The following SSRP1 variants were observed in gnomAD, a reference collection of about 807,000 sequenced individuals.
SSRP1 encodes structure specific recognition protein 1.
SSRP1 carries 21 observed loss-of-function variants against 84.4 expected under a neutral mutation model. That is an observed-to-expected ratio of 0.25 (90% CI 0.18 to 0.36). The LOEUF (loss-of-function observed/expected upper bound fraction) is 0.36. SSRP1 is among the 10% of genes least tolerant of loss of function. The probability of loss-of-function intolerance (pLI) is 1.00; values close to 1 mark genes in which losing one functional copy is unlikely to be tolerated. For missense variants in SSRP1, 519 were observed against 900.8 expected, an observed-to-expected ratio of 0.58 and a Z score of 5.43; for synonymous variants, 319 against 318.3, an observed-to-expected ratio of 1.00 and a Z score of -0.02.
In SSRP1 at chr11:57,328,463, G is replaced by A. The variant is rs200004570; in HGVS notation, c.1482-37C>T. ...CAAGCCAGGCTTAGACTTGAGGAGG[G>A]AAGACAGGACCCCACGGCCTCAGGA... On this transcript the variant is annotated intron_variant, in intron 12 of 16. Transcript: ENST00000278412. 5,058 of 1,612,626 alleles carry A rather than the reference G, an allele frequency of 3.1e-3. 12 individuals are homozygous for A. Among genetic ancestry groups the A allele is most frequent in the Non-Finnish European group, 4.1e-3 (4,821 of 1,179,598 alleles).
chr11:57,327,714 C>G lies in SSRP1; in HGVS notation c.1780G>C (p.Glu594Gln). The G allele has an allele frequency of 6.2e-7, 1 of 1,614,062 alleles. No individual in the cohort carries two copies. Among genetic ancestry groups the G allele is most frequent in the Non-Finnish European group, 8.5e-7 (1 of 1,179,986 alleles). Reference sequence around the variant, plus strand: ...ACCCCTCCTCTGCTGCTACTCACCTCTTTCTTCTCTTTGGACATTCCCTTC... The same window carrying G: ...ACCCCTCCTCTGCTGCTACTCACCTGTTTCTTCTCTTTGGACATTCCCTTC... ...IWKGMSKEKK[E>Q]EWDRKAEDAR... is the part of the protein sequence containing the mutation. Residue 594 changes from glutamate to glutamine, a missense_variant and splice_region_variant, in exon 14 of 17, where the codon GAG (glutamate) becomes CAG (glutamine). Physicochemically the swap from Glu to Gln is conservative, Grantham distance 29. Around this residue, in one of 7 missense-constraint regions of SSRP1, gnomAD observed 197 missense variants for 265.0 expected, o/e 0.74. Coordinates refer to ENST00000278412, the MANE Select transcript of SSRP1 (RefSeq NM_003146.3).
Position 57,333,167 on chromosome 11 carries a change from A to G in SSRP1, c.347-18T>C. ...CAGCTGCCCTGTGAGGAAAGGGCTT[A>G]TCCAGCCACAAGCTCCTCCCCTTAA... On this transcript the variant is annotated intron_variant, in intron 4 of 16. Transcript: ENST00000278412. The G allele has an allele frequency of 1.9e-6, 3 of 1,593,048 alleles. No homozygotes were observed. Among genetic ancestry groups the G allele is most frequent in the Non-Finnish European group, 2.6e-6 (3 of 1,167,606 alleles).
chr11:57,330,706 C>T lies in SSRP1; in HGVS notation c.1296+149G>A. 4 of 1,488,952 alleles carry T rather than the reference C, an allele frequency of 2.7e-6. No individual in the cohort carries two copies. The highest frequency in any genetic ancestry group is 2.7e-6 in the Non-Finnish European group (3 of 1,121,990). 92.2% of individuals were successfully genotyped at this position (1,488,952 alleles called of 1,614,324 possible). A position where few individuals can be genotyped will look rare whatever the true frequency, so the allele number is the denominator to read the frequency against. ...TAAGGTCATGCAGAGGAAACCTGCA[C>T]CAGGAGGGGGAAAGGGTCACACGCA... On this transcript the variant is annotated intron_variant, in intron 10 of 16. Coordinates refer to ENST00000278412, the MANE Select transcript of SSRP1 (RefSeq NM_003146.3). This position sits in a 1 kb window ranked among gnomAD's most constrained non-coding sequence, Gnocchi z 4.0.
chr11:57,333,357 A>T, intron 4 of SSRP1, 78 bp downstream of exon 4: 1 of 1,353,304 alleles, frequency 7.4e-7, no homozygotes, highest in Non-Finnish European at 1.1e-6. Flanking sequence ...TGGCAGAGGG[A>T]AAAGAGCAAA....
intron 4 of SSRP1, 74 bp from the exon 5 acceptor site, chr11:57,333,223 A>G (rs1856131428): frequency 1.3e-6 from 2 of 1,487,322 alleles, no homozygotes; most frequent in Non-Finnish European, 9.2e-7. Context: ...CACCAAACTG[A>G]GTTCCACAGA....
intron 2 of SSRP1, 111 bp from the exon 3 acceptor site, chr11:57,334,759 T>C: frequency 1.5e-6 from 2 of 1,307,812 alleles, no homozygotes; most frequent in Non-Finnish European, 1.1e-6. Context: ...AGATTATCAA[T>C]GCAGGAGCAA....
chr11:57,332,602 C>T lies in SSRP1; in HGVS notation c.768+23G>A, dbSNP rs777205493. The T allele has an allele frequency of 2.7e-5, 43 of 1,605,844 alleles. No individual in the cohort carries two copies. In the East Asian group the frequency reaches 5.8e-4, roughly 22 times the overall value. ...CACTTAGGCAAAAACCAGGATTATCCGGCCATAGGGGTTTCTGCTTACCAC... is the reference window on the plus strand; with the variant it reads ...CACTTAGGCAAAAACCAGGATTATCTGGCCATAGGGGTTTCTGCTTACCAC... On this transcript the variant is annotated intron_variant, in intron 6 of 16. Coordinates refer to ENST00000278412, the MANE Select transcript of SSRP1 (RefSeq NM_003146.3). This position sits in a 1 kb window ranked among gnomAD's most constrained non-coding sequence, Gnocchi z 5.5.
chr11:57,331,973 A>G (rs1208415781), intron 8 of SSRP1, 84 bp from the exon 9 acceptor site: 3 of 1,490,506 alleles, frequency 2.0e-6, no homozygotes, highest in East Asian at 2.4e-5. Context: ...ACGAGTGCTC[A>G]TGTCCTCGAC....
chr11:57,333,344 C>A, intron 4 of SSRP1, 91 bp downstream of exon 4: 1 of 1,236,074 alleles, frequency 8.1e-7, no homozygotes, highest in South Asian at 1.3e-5. Flanking sequence ...AAACCAGAGA[C>A]AGTGGCAGAG....
Position 57,330,051 on chromosome 11 carries a change from T to C in SSRP1, c.1481+42A>G. The C allele has an allele frequency of 1.2e-6, 2 of 1,612,978 alleles. No individual in the cohort carries two copies. The highest frequency in any genetic ancestry group is 1.7e-6 in the Non-Finnish European group (2 of 1,178,932). ...GAAATCTTCTGGTCCCTTAAGCTTA[T>C]GGGTCACCATCTTATCCCCACAAGG... On this transcript the variant is annotated intron_variant, in intron 12 of 16. Coordinates refer to ENST00000278412, the MANE Select transcript of SSRP1 (RefSeq NM_003146.3). The surrounding 1 kb of genome is among the most constrained non-coding windows in gnomAD (Gnocchi z 4.0).
At position 57,335,423 on chromosome 11, in the gene SSRP1, G is replaced by A. The variant is rs1856194815; in HGVS notation, c.-119-183C>T. On this transcript the variant is annotated intron_variant, in intron 1 of 16. Coordinates refer to ENST00000278412, the MANE Select transcript of SSRP1 (RefSeq NM_003146.3). This position sits in a 1 kb window ranked among gnomAD's most constrained non-coding sequence, Gnocchi z 4.6. ...CAGGCCTGGGTGGAGAACCGGGCCC[G>A]GAATACCGCTGACACCCAACCCGAC... The A allele has an allele frequency of 2.7e-6, 1 of 367,472 alleles. No individual in the cohort carries two copies. Among genetic ancestry groups the A allele is most frequent in the African/African-American group, 2.1e-5 (1 of 48,288 alleles). The allele number at this position is 367,472 out of a possible 1,614,324, so 22.8% of individuals were successfully genotyped here.
rs1856112016 is a variant in SSRP1 at position 57,332,418 on chromosome 11, C to T, written c.837G>A (p.Lys279=). The stretch of plus-strand genomic sequence containing the variant: ...TCAGAGTCAACGAAATGTCCTCGTC[C>T]TTGGAGAAGAGGAGGATCAGGAAGT... ...RYHFLILLFS[K]DEDISLTLNM... The change falls in exon 7 of 17, where the codon AAG becomes AAA. Residue 279 remains lysine (K), a synonymous_variant. Coordinates refer to ENST00000278412, the MANE Select transcript of SSRP1 (RefSeq NM_003146.3). This position sits in a 1 kb window ranked among gnomAD's most constrained non-coding sequence, Gnocchi z 5.5. 1 of 1,614,108 alleles carries T rather than the reference C, an allele frequency of 6.2e-7. No homozygotes were observed. The highest frequency in any genetic ancestry group is 1.3e-5 in the African/African-American group (1 of 75,016).
chr11:57,328,259 C>A, intron 13 of SSRP1, 38 bp downstream of exon 13: 1 of 1,609,076 alleles, frequency 6.2e-7, no homozygotes, highest in Non-Finnish European at 8.5e-7. Flanking sequence ...CCCCCACCCA[C>A]TGCACCACAC....
Position 57,326,341 on chromosome 11 carries a change from A to T in SSRP1, c.*66T>A, listed in dbSNP as rs1366255330. The T allele has an allele frequency of 3.4e-6, 5 of 1,482,668 alleles. No homozygotes were observed. In the Admixed American group the frequency reaches 5.0e-5, roughly 15 times the overall value. The allele number at this position is 1,482,668 out of a possible 1,614,324, so 91.8% of individuals were successfully genotyped here. ...CTGCATTTCATGAGGAGAAACTGGT[A>T]CCAAAATATGGGTGGGGAGTCGGGG... On this transcript the variant is annotated 3_prime_UTR_variant, in exon 17 of 17. Transcript: ENST00000278412.
intron 4 of SSRP1, 102 bp downstream of exon 4, chr11:57,333,333 G>C: frequency 8.3e-7 from 1 of 1,197,968 alleles, no homozygotes; most frequent in Non-Finnish European, 1.2e-6. Flanking sequence ...AAATAGATAG[G>C]AAACCAGAGA....
rs72921999 is a variant in SSRP1, at chr11:57,332,782, T to G, written c.611A>C (p.Glu204Ala). The change falls in exon 6 of 17, where the codon GAG becomes GCG. Residue 204 changes from glutamate (E) to alanine (A), a missense_variant. Physicochemically the swap from Glu to Ala is moderately radical, Grantham distance 107. Coordinates refer to ENST00000278412, the MANE Select transcript of SSRP1 (RefSeq NM_003146.3). This position sits in a 1 kb window ranked among gnomAD's most constrained non-coding sequence, Gnocchi z 5.5. The stretch of plus-strand genomic sequence containing the variant: ...ACCACGAGGAGTCAGACACTGCAGC[T>G]CCCGGAAGATGCAGATGGCATCTCC... Reference protein sequence around the residue: ...ATGDAICIFRELQCLTPRGRY... With the variant: ...ATGDAICIFRALQCLTPRGRY... 6.2e-7 allele frequency: 1 copy of G among 1,614,070 alleles called. No individual in the cohort carries two copies. The highest frequency in any genetic ancestry group is 8.5e-7 in the Non-Finnish European group (1 of 1,180,024).
At position 57,332,220 on chromosome 11, in the gene SSRP1, A is replaced by G. The variant is rs1356675967; in HGVS notation, c.933T>C (p.Tyr311=). ...RLTKNMSGSL[Y]EMVSRVMKAL... ...CTTTCATGACCCGGCTGACCATCTC[A>G]TAGAGGGATCCTGACATGTTCTTGG... The change falls in exon 8 of 17, where the codon TAT becomes TAC. Residue 311 remains tyrosine (Y), a synonymous_variant. Transcript: ENST00000278412. The surrounding 1 kb of genome is among the most constrained non-coding windows in gnomAD (Gnocchi z 5.5). The G allele has an allele frequency of 1.2e-6, 2 of 1,612,390 alleles. No homozygotes were observed. Among genetic ancestry groups the G allele is most frequent in the Admixed American group, 3.3e-5 (2 of 59,970 alleles).
At chr11:57,334,422 G>C in intron 3 of SSRP1, 41 bp downstream of exon 3, 1 of 1,597,136 alleles carries the variant, frequency 6.3e-7, no homozygotes, top group Non-Finnish European at 8.5e-7. Flanking sequence ...AAAATAAGAA[G>C]ATGCAGTAAA....
Position 57,330,265 on chromosome 11 carries a change from C to T in SSRP1, c.1435+26G>A, listed in dbSNP as rs768409806. On this transcript the variant is annotated intron_variant, in intron 11 of 16. Transcript: ENST00000278412. The surrounding 1 kb of genome is among the most constrained non-coding windows in gnomAD (Gnocchi z 4.0). ...ACAGCGAGGAGCGTCTGACCATCCT[C>T]GTGCTCAGCACGGAGGCTAACCCAC... The T allele has an allele frequency of 8.1e-6, 13 of 1,614,172 alleles. No individual in the cohort carries two copies. Among genetic ancestry groups the T allele is most frequent in the African/African-American group, 4.0e-5 (3 of 75,076 alleles).
Sources: allele counts gnomAD v4.1 joint callset, GRCh38; gene constraint gnomAD v4.1.1; regional missense constraint gnomAD v4.1.1; non-coding constraint Gnocchi (gnomAD v3.1); transcripts MANE v1.5; gene names NCBI Gene and HGNC (gene_info 2026-07-23, HGNC 2026-07-21).